The following MYRIP variants were observed in gnomAD, a reference collection of about 807,000 sequenced individuals.
The protein encoded by MYRIP is myosin VIIA and Rab interacting protein, also known as rab effector MyRIP.
A neutral mutation model predicts 98.0 loss-of-function variants in MYRIP; 49 were observed. That is an observed-to-expected ratio of 0.50 (90% CI 0.40 to 0.63). The LOEUF (loss-of-function observed/expected upper bound fraction) is 0.63, where lower values mean the gene tolerates loss of function less well. Among genes scored for constraint, MYRIP ranks in the 30% least tolerant of loss-of-function variants. MYRIP has a pLI of 0.00. For synonymous variants in MYRIP, 404 were observed against 409.5 expected, an observed-to-expected ratio of 0.99 and a Z score of 0.16; for missense variants, 1,004 against 1,058.2, an observed-to-expected ratio of 0.95 and a Z score of 0.71.
intron 1 of MYRIP, among the ~76,000 whole-genome samples, chr3:39,868,022 T>C (rs905048899): frequency 6.6e-6 from 1 of 152,156 alleles, no homozygotes; most frequent in African/African-American, 2.4e-5. Context: ...TTTTGTATAT[T>C]TGCATGTGTG....
chr3:40,118,770 A>G (rs926955352), intron 3 of MYRIP, among the ~76,000 whole-genome samples: 10 of 151,282 alleles, frequency 6.6e-5, no homozygotes, highest in Non-Finnish European at 1.5e-4. Flanking sequence ...GCCCCACAAC[A>G]GGCCCTGGGG....
At chr3:39,930,405 T>G (rs542048527) in intron 2 of MYRIP, among the ~76,000 whole-genome samples, 1 of 152,120 alleles carries the variant, frequency 6.6e-6, no homozygotes, top group Non-Finnish European at 1.5e-5. Flanking sequence ...GTCTTTTTAT[T>G]ACTAAGTTGT....
intron 10 of MYRIP, among the ~76,000 whole-genome samples, chr3:40,193,257 T>C (rs77812987): frequency 1.3e-5 from 2 of 152,292 alleles, no homozygotes; most frequent in Admixed American, 6.5e-5. Flanking sequence ...AGGGGATGCA[T>C]TGTCTGTGGA....
chr3:40,044,001 G>A, intron 2 of MYRIP, 49 bp from the exon 3 acceptor site: 1 of 1,570,734 alleles, frequency 6.4e-7, no homozygotes. Context: ...CCCCTGACCT[G>A]ATGTTGTGTT....
intron 1 of MYRIP, among the ~76,000 whole-genome samples, chr3:39,810,167 G>A (rs1189128284): frequency 6.6e-6 from 1 of 152,230 alleles, no homozygotes; most frequent in Non-Finnish European, 1.5e-5. Flanking sequence ...TTCTCTCGCT[G>A]CTGGGGTGGG....
At chr3:39,971,900 CA>C (rs1945593165) in intron 2 of MYRIP, among the ~76,000 whole-genome samples, 1 of 152,004 alleles carries the variant, frequency 6.6e-6, no homozygotes, top group African/African-American at 2.4e-5. Context: ...ATCTGTTGAC[CA>C]TAAATCCAGT....
intron 16 of MYRIP, among the ~76,000 whole-genome samples, chr3:40,256,030 T>G (rs1443290383): frequency 2.0e-5 from 3 of 152,218 alleles, no homozygotes; most frequent in Non-Finnish European, 2.9e-5. Flanking sequence ...ATGGTCTATA[T>G]CTGCAGTGAC....
chr3:40,229,269 G>A (rs1173680419), intron 11 of MYRIP, among the ~76,000 whole-genome samples: 1 of 152,186 alleles, frequency 6.6e-6, no homozygotes, highest in Non-Finnish European at 1.5e-5. Flanking sequence ...CGGAGAGAAA[G>A]CATATAAACA....
intron 3 of MYRIP, among the ~76,000 whole-genome samples, chr3:40,132,851 G>A (rs565120941): frequency 6.6e-6 from 1 of 152,370 alleles, no homozygotes; most frequent in African/African-American, 2.4e-5. Flanking sequence ...AGCATGTGCT[G>A]GCAGTCCAGC....
chr3:39,895,183 A>ATTTTTTT, intron 1 of MYRIP, among the ~76,000 whole-genome samples: 1 of 139,968 alleles, frequency 7.1e-6, no homozygotes. Context: ...TTTTGCTTGC[A>ATTTTTTT]TTTTTTTTTT....
chr3:40,030,921 CT>C (rs1947246671), intron 2 of MYRIP, among the ~76,000 whole-genome samples: 1 of 151,968 alleles, frequency 6.6e-6, no homozygotes, highest in African/African-American at 2.4e-5. Flanking sequence ...TTTGAATATA[CT>C]AAAAACCGCT....
At chr3:40,021,635 A>ATGTTT (rs2125807348) in intron 2 of MYRIP, among the ~76,000 whole-genome samples, 1 of 152,338 alleles carries the variant, frequency 6.6e-6, no homozygotes, top group African/African-American at 2.4e-5. Context: ...CAGTGTGCCC[A>ATGTTT]ACAACAGGAA....
chr3:39,887,270 A>G, intron 1 of MYRIP, among the ~76,000 whole-genome samples: 1 of 151,804 alleles, frequency 6.6e-6, no homozygotes, highest in Non-Finnish European at 1.5e-5. Context: ...TAACATCACA[A>G]TTAAAAGAAC....
At chr3:40,005,719 G>A (rs762588655) in intron 2 of MYRIP, among the ~76,000 whole-genome samples, 34 of 152,218 alleles carry the variant, frequency 2.2e-4, no homozygotes, top group African/African-American at 6.7e-4. Flanking sequence ...TGTCATGCCC[G>A]TCTTTTGAGT....
intron 3 of MYRIP, among the ~76,000 whole-genome samples, chr3:40,142,459 A>C (rs1400314272): frequency 6.6e-6 from 1 of 152,068 alleles, no homozygotes; most frequent in Non-Finnish European, 1.5e-5. Flanking sequence ...CAGGGATTTC[A>C]GAGGTAACTT....
At chr3:39,909,218 G>A (rs1005188507) in intron 2 of MYRIP, among the ~76,000 whole-genome samples, 8 of 152,178 alleles carry the variant, frequency 5.3e-5, no homozygotes, top group East Asian at 1.9e-4. Context: ...TGCGCAGGCC[G>A]CAGAAAGGAG....
At chr3:39,934,280 G>A (rs1944608540) in intron 2 of MYRIP, among the ~76,000 whole-genome samples, 1 of 150,642 alleles carries the variant, frequency 6.6e-6, no homozygotes, top group Admixed American at 6.6e-5. Flanking sequence ...TTGTCTGCAA[G>A]CCTGGAGCTA....
chr3:39,825,599 G>A (rs1941240219), intron 1 of MYRIP, among the ~76,000 whole-genome samples: 1 of 151,930 alleles, frequency 6.6e-6, no homozygotes. Context: ...GTTTGTTAAG[G>A]ATTTTTACAT....
intron 1 of MYRIP, among the ~76,000 whole-genome samples, chr3:39,890,140 T>A (rs1943446437): frequency 6.6e-6 from 1 of 152,080 alleles, no homozygotes; most frequent in African/African-American, 2.4e-5. Flanking sequence ...TTCCTCCATA[T>A]CTAGAATATT....
Sources: allele counts gnomAD v4.1 joint callset (sites outside exome capture counted in the v4.1 genomes callset), GRCh38; gene constraint gnomAD v4.1.1; transcripts MANE v1.5; gene names NCBI Gene and HGNC (gene_info 2026-07-23, HGNC 2026-07-21).